Variants in NRXN3 observed in about 807,000 individuals in gnomAD.
The protein encoded by NRXN3 is neurexin 3.
In NRXN3, 32 loss-of-function variants were observed where a neutral mutation model predicts 137.6. That is an observed-to-expected ratio of 0.23 (90% CI 0.18 to 0.31). The LOEUF is 0.31. Among genes scored for constraint, NRXN3 ranks in the 10% least tolerant of loss-of-function variants. The pLI is 1.00. For synonymous variants in NRXN3, 798 were observed against 784.5 expected, an observed-to-expected ratio of 1.02 and a Z score of -0.29; for missense variants, 1,574 against 2,062.5, an observed-to-expected ratio of 0.76 and a Z score of 4.59.
chr14:78,414,095 G>A (rs2092996177), intron 4 of NRXN3, among the ~76,000 whole-genome samples: 1 of 152,166 alleles, frequency 6.6e-6, no homozygotes. Flanking sequence ...CAGCCATGTG[G>A]AACTGTGAAT....
rs370168144 is a variant in NRXN3, at chr14:79,768,205, T to C, written c.4015-36907T>C. On this transcript the variant is annotated intron_variant, in intron 19 of 20. Coordinates refer to ENST00000335750, the MANE Select transcript of NRXN3 (RefSeq NM_001330195.2). ...GCAGCCAGACTGGGGGAGGGGCGCC[T>C]GCCATTGCCCAGGCTTGCTTAGGTA... Among the ~76,000 whole-genome samples, 361 of 152,304 alleles carry C rather than the reference T, an allele frequency of 2.4e-3. 3 individuals are homozygous for C. Among genetic ancestry groups the C allele is most frequent in the African/African-American group, 8.1e-3 (336 of 41,592 alleles).
chr14:78,752,520 C>G lies in NRXN3; in HGVS notation c.2044+37381C>G, dbSNP rs575614450. Among the ~76,000 whole-genome samples, 12 of 152,300 alleles carry G rather than the reference C, an allele frequency of 7.9e-5. No homozygotes were observed. The South Asian group carries it at 2.5e-3, about 32-fold the overall frequency. On this transcript the variant is annotated intron_variant, in intron 8 of 20. Transcript: ENST00000335750. ...GGAGTAGAATGCAAGGCAAACATGG[C>G]TCTTAAGAAATTCACAGGGAAGGAA... is the stretch of plus-strand genomic sequence containing the variant.
At chr14:78,647,072 A>G (rs1566967016) in intron 5 of NRXN3, among the ~76,000 whole-genome samples, 1 of 152,088 alleles carries the variant, frequency 6.6e-6, no homozygotes, top group Non-Finnish European at 1.5e-5. Flanking sequence ...TTGTTTCTCT[A>G]CCTCTCTCCC....
chr14:79,286,223 C>T (rs931671670), intron 15 of NRXN3, among the ~76,000 whole-genome samples: 10 of 152,058 alleles, frequency 6.6e-5, no homozygotes, highest in Non-Finnish European at 1.3e-4. Flanking sequence ...TGACCCAGAC[C>T]CTCCACTCCT....
chr14:79,007,210 T>G (rs2099554833), intron 15 of NRXN3, among the ~76,000 whole-genome samples: 2 of 152,176 alleles, frequency 1.3e-5, no homozygotes, highest in Admixed American at 1.3e-4. Flanking sequence ...TTTGTTTAAA[T>G]TCAGAGTGAG....
chr14:78,265,998 G>C (rs1178727316), intron 2 of NRXN3, among the ~76,000 whole-genome samples: 1 of 152,192 alleles, frequency 6.6e-6, no homozygotes, highest in Admixed American at 6.5e-5. Flanking sequence ...AATGTGAAAA[G>C]AATATATGTC....
At position 78,966,161 on chromosome 14, in the gene NRXN3, C is replaced by T; in HGVS notation, c.2532C>T (p.Leu844=). 1.2e-6 allele frequency: 2 copies of T among 1,614,168 alleles called. No individual in the cohort carries two copies. The highest frequency in any genetic ancestry group is 1.7e-6 in the Non-Finnish European group (2 of 1,180,032). ...AGAGCCTCATGTTTAATGGCCTTCT[C>T]TACATTGACTTGTGCAAAAATGGTG... ...HLQSLMFNGL[L]YIDLCKNGDI... Residue 844 remains leucine, a synonymous_variant, in exon 12 of 21, where the codon CTC becomes CTT. Transcript: ENST00000335750.
intron 16 of NRXN3, among the ~76,000 whole-genome samples, chr14:79,584,321 G>A (rs1321843663): frequency 1.3e-5 from 2 of 152,188 alleles, no homozygotes; most frequent in Non-Finnish European, 2.9e-5. Flanking sequence ...CAAACTCGAT[G>A]AAATGTTCTA....
In NRXN3 at chr14:78,569,230, A is replaced by C. The variant is rs556091104; in HGVS notation, c.758-75890A>C. Among the ~76,000 whole-genome samples the C allele has an allele frequency of 1.0e-4, 15 of 148,742 alleles. No homozygotes were observed. The South Asian group carries it at 1.3e-3, about 13-fold the overall frequency. ...GTGATCTTCCCGCCTCGGCCTCCCAAAGTGCTGGGATTGCAGGCATGAGCC... is the reference window on the plus strand; with the variant it reads ...GTGATCTTCCCGCCTCGGCCTCCCACAGTGCTGGGATTGCAGGCATGAGCC... On this transcript the variant is annotated intron_variant, in intron 4 of 20. Transcript: ENST00000335750.
intron 2 of NRXN3, among the ~76,000 whole-genome samples, chr14:78,271,527 T>G (rs1210200534): frequency 6.6e-6 from 1 of 151,194 alleles, no homozygotes; most frequent in Non-Finnish European, 1.5e-5. Flanking sequence ...TGATTATATC[T>G]GTAACAACCA....
intron 15 of NRXN3, chr14:79,279,987 C>A: frequency 8.5e-7 from 1 of 1,179,390 alleles, no homozygotes; most frequent in Non-Finnish European, 1.1e-6. Flanking sequence ...CGCCGGTCTT[C>A]CCCTGACATG....
intron 4 of NRXN3, among the ~76,000 whole-genome samples, chr14:78,369,014 T>G (rs921265228): frequency 6.6e-6 from 1 of 152,184 alleles, no homozygotes; most frequent in Non-Finnish European, 1.5e-5. Flanking sequence ...GAATACTCAC[T>G]GAACTAGGAA....
At chr14:79,031,057 A>G (rs2099607510) in intron 15 of NRXN3, among the ~76,000 whole-genome samples, 1 of 152,008 alleles carries the variant, frequency 6.6e-6, no homozygotes, top group African/African-American at 2.4e-5. Context: ...TCTTTTGAAA[A>G]TGGCCCATCT....
chr14:79,777,993 T>G (rs758417899), intron 19 of NRXN3, among the ~76,000 whole-genome samples: 1 of 152,114 alleles, frequency 6.6e-6, no homozygotes, highest in Non-Finnish European at 1.5e-5. Context: ...GGCTTTTCTA[T>G]GCACTGTAAC....
At chr14:78,739,115 T>C (rs1456336770) in intron 8 of NRXN3, among the ~76,000 whole-genome samples, 3 of 152,228 alleles carry the variant, frequency 2.0e-5, no homozygotes, top group Non-Finnish European at 4.4e-5. Context: ...CCTCTTCCAT[T>C]TGAGTCTGGA....
intron 19 of NRXN3, among the ~76,000 whole-genome samples, chr14:79,758,543 A>T (rs184951026): frequency 2.0e-4 from 31 of 152,294 alleles, no homozygotes; most frequent in Admixed American, 1.0e-3. Context: ...AACACCTCCT[A>T]CTAGGCCCTA....
intron 4 of NRXN3, among the ~76,000 whole-genome samples, chr14:78,425,005 T>C (rs1186437751): frequency 1.3e-5 from 2 of 152,220 alleles, no homozygotes; most frequent in Non-Finnish European, 2.9e-5. Context: ...GTGGCTTGTC[T>C]GATTTTCTCA....
At chr14:79,769,138 T>G (rs2099067460) in intron 19 of NRXN3, among the ~76,000 whole-genome samples, 1 of 150,384 alleles carries the variant, frequency 6.6e-6, no homozygotes, top group South Asian at 2.1e-4. Context: ...AGACCAAATC[T>G]ACGTCTGATT....
At chr14:79,315,146 C>T (rs74067999) in intron 15 of NRXN3, among the ~76,000 whole-genome samples, 8,603 of 152,172 alleles carry the variant, frequency 0.057, 620 homozygotes, top group African/African-American at 0.17. Flanking sequence ...TTGATTCCCA[C>T]GGCTGAGCTG....
Sources: gnomAD v4.1 joint callset for allele counts (sites outside exome capture counted in the v4.1 genomes callset) on GRCh38, gnomAD v4.1.1 for gene constraint, MANE v1.5 for transcripts, NCBI Gene and HGNC (gene_info 2026-07-23, HGNC 2026-07-21) for gene names.